ADGRL3: variants seen among roughly 807,000 people sequenced by gnomAD.
ADGRL3 encodes calcium-independent alpha-latrotoxin receptor 3.
A neutral mutation model predicts 153.5 loss-of-function variants in ADGRL3; 62 were observed. The ratio of observed to expected loss-of-function variants is 0.40; its 90% CI spans 0.33 to 0.50. The LOEUF (loss-of-function observed/expected upper bound fraction) is 0.50. Among genes scored for constraint, ADGRL3 ranks in the 20% least tolerant of loss-of-function variants. The pLI, the probability that ADGRL3 is intolerant of heterozygous loss-of-function variation, is 0.47. For synonymous variants in ADGRL3, 710 were observed against 672.5 expected, an observed-to-expected ratio of 1.06 and a Z score of -0.86; for missense variants, 1,641 against 1,859.4, an observed-to-expected ratio of 0.88 and a Z score of 2.16.
At position 62,044,552 on chromosome 4, in the gene ADGRL3, A is replaced by G; in HGVS notation, c.3814+3A>G. 6.5e-7 allele frequency: 1 copy of G among 1,537,992 alleles called. No homozygotes were observed. On this transcript the variant is annotated splice_donor_region_variant and intron_variant, in intron 25 of 26. Coordinates refer to ENST00000683033, the MANE Select transcript of ADGRL3 (RefSeq NM_001387552.1). ...CAGTTCAGCGTCACTCAACAGAGGT[A>G]ATTAGAAATAATTTTTCATATTTAT...
intron 5 of ADGRL3, among the ~76,000 whole-genome samples, chr4:61,616,424 T>C (rs990232312): frequency 6.6e-6 from 1 of 152,180 alleles, no homozygotes; most frequent in African/African-American, 2.4e-5. Flanking sequence ...TAATTTTCAC[T>C]TCAATAATCA....
At chr4:62,048,260 ATTAT>A (rs1332536121) in intron 25 of ADGRL3, among the ~76,000 whole-genome samples, 8 of 151,424 alleles carry the variant, frequency 5.3e-5, no homozygotes, top group Admixed American at 1.3e-4. Flanking sequence ...TATTTATTTT[ATTAT>A]TTATTTATTT....
intron 8 of ADGRL3, among the ~76,000 whole-genome samples, chr4:61,737,483 C>T (rs537629207): frequency 3.9e-5 from 6 of 152,156 alleles, no homozygotes; most frequent in Admixed American, 2.6e-4. Context: ...GTCAGAAGGA[C>T]GTGGGTTTGA....
intron 2 of ADGRL3, among the ~76,000 whole-genome samples, chr4:61,409,940 G>T (rs772015903): frequency 6.6e-6 from 1 of 151,792 alleles, no homozygotes; most frequent in African/African-American, 2.4e-5. Flanking sequence ...ACATAATATG[G>T]TACATTTTTG....
intron 5 of ADGRL3, among the ~76,000 whole-genome samples, chr4:61,592,480 A>G (rs2098973719): frequency 6.6e-6 from 1 of 152,214 alleles, no homozygotes; most frequent in African/African-American, 2.4e-5. Flanking sequence ...CATAGAACCT[A>G]TAATATATAA....
chr4:61,310,143 G>A (rs1020331846), intron 1 of ADGRL3, among the ~76,000 whole-genome samples: 4 of 151,396 alleles, frequency 2.6e-5, no homozygotes, highest in Non-Finnish European at 5.9e-5. Flanking sequence ...CTCTCTTGAT[G>A]CCCACTTTCT....
chr4:61,816,122 G>A (rs2097686068), intron 9 of ADGRL3, among the ~76,000 whole-genome samples: 1 of 152,172 alleles, frequency 6.6e-6, no homozygotes, highest in South Asian at 2.1e-4. Flanking sequence ...ACTAATGTGA[G>A]TTGGTGACTT....
At chr4:61,414,378 T>C (rs1381287697) in intron 2 of ADGRL3, among the ~76,000 whole-genome samples, 4 of 152,194 alleles carry the variant, frequency 2.6e-5, no homozygotes, top group African/African-American at 9.6e-5. Flanking sequence ...ACTAAACATA[T>C]GTTAATTATT....
At chr4:61,799,023 A>AAACAG (rs1337583134) in intron 8 of ADGRL3, among the ~76,000 whole-genome samples, 4 of 125,110 alleles carry the variant, frequency 3.2e-5, no homozygotes, top group Non-Finnish European at 7.1e-5. Context: ...ATATATATAT[A>AAACAG]TATATATATA....
intron 5 of ADGRL3, among the ~76,000 whole-genome samples, chr4:61,655,076 G>C (rs559793321): frequency 6.6e-6 from 1 of 152,008 alleles, no homozygotes; most frequent in Non-Finnish European, 1.5e-5. Flanking sequence ...ACTATCAGCT[G>C]TATTAAAATA....
At chr4:61,290,633 G>C (rs1441575294) in intron 1 of ADGRL3, among the ~76,000 whole-genome samples, 1 of 149,776 alleles carries the variant, frequency 6.7e-6, no homozygotes, top group Non-Finnish European at 1.5e-5. Context: ...AACAGAGTGA[G>C]ACCATCTCAA....
chr4:62,055,833 A>C (rs887395794), intron 25 of ADGRL3, among the ~76,000 whole-genome samples: 4 of 151,778 alleles, frequency 2.6e-5, no homozygotes, highest in Non-Finnish European at 4.4e-5. Flanking sequence ...GAAACAAAAT[A>C]CTTAAAATAG....
intron 2 of ADGRL3, among the ~76,000 whole-genome samples, chr4:61,472,952 G>A (rs1445712395): frequency 2.6e-5 from 4 of 152,040 alleles, no homozygotes; most frequent in Admixed American, 2.6e-4. Context: ...TTGAATTTTA[G>A]GAGCCAAGGA....
chr4:61,928,216 T>C (rs1288516415), intron 13 of ADGRL3, among the ~76,000 whole-genome samples: 1 of 152,118 alleles, frequency 6.6e-6, no homozygotes, highest in Admixed American at 6.6e-5. Flanking sequence ...AATGTATCTA[T>C]TACTATGAAA....
intron 5 of ADGRL3, among the ~76,000 whole-genome samples, chr4:61,601,216 T>G (rs1408444441): frequency 6.6e-6 from 1 of 152,210 alleles, no homozygotes; most frequent in African/African-American, 2.4e-5. Flanking sequence ...GCCAAAAATC[T>G]TGTAGGCGAA....
At chr4:61,498,765 T>C (rs905831502) in intron 3 of ADGRL3, among the ~76,000 whole-genome samples, 2 of 152,184 alleles carry the variant, frequency 1.3e-5, no homozygotes, top group Non-Finnish European at 2.9e-5. Flanking sequence ...CATTATTTAA[T>C]ATATAAGCGA....
chr4:61,313,869 A>G (rs562774162), intron 1 of ADGRL3, among the ~76,000 whole-genome samples: 1 of 152,242 alleles, frequency 6.6e-6, no homozygotes, highest in Non-Finnish European at 1.5e-5. Flanking sequence ...CTTGGCCAGG[A>G]CACCATCCCA....
chr4:62,019,730 T>C (rs1192709438), intron 21 of ADGRL3, among the ~76,000 whole-genome samples: 1 of 152,140 alleles, frequency 6.6e-6, no homozygotes, highest in African/African-American at 2.4e-5. Flanking sequence ...AGATGTGCAG[T>C]GTAATTTTTT....
chr4:61,223,636 A>G (rs1488114626), intron 1 of ADGRL3, among the ~76,000 whole-genome samples: 2 of 151,996 alleles, frequency 1.3e-5, no homozygotes, highest in African/African-American at 2.4e-5. Context: ...TTTGATTTTT[A>G]TTTGTTTTCT....
Sources: allele counts gnomAD v4.1 joint callset (sites outside exome capture counted in the v4.1 genomes callset), GRCh38; gene constraint gnomAD v4.1.1; transcripts MANE v1.5; gene names NCBI Gene and HGNC (gene_info 2026-07-23, HGNC 2026-07-21).